ZNF292: variants seen among roughly 807,000 people sequenced by gnomAD.
ZNF292 encodes the protein 16 zinc-finger domain protein.
A neutral mutation model predicts 217.9 loss-of-function variants in ZNF292; 26 were observed. That is an observed-to-expected ratio of 0.12 (90% CI 0.09 to 0.17). The LOEUF is 0.17. Among genes scored for constraint, ZNF292 ranks in the 10% least tolerant of loss-of-function variants. The pLI, the probability that ZNF292 is intolerant of heterozygous loss-of-function variation, is 1.00. For missense variants in ZNF292, 2,904 were observed against 3,175.2 expected (o/e 0.91, Z 2.05); for synonymous variants, 1,257 against 1,124.1 (o/e 1.12, Z -2.37).
intron 1 of ZNF292, among the ~76,000 whole-genome samples, chr6:87,164,030 C>T (rs1228765663): frequency 6.6e-6 from 1 of 152,182 alleles, no homozygotes; most frequent in Admixed American, 6.5e-5. Flanking sequence ...ACCCTTGTTT[C>T]GCCCACCTCG....
chr6:87,243,508 A>G lies in ZNF292; in HGVS notation c.775A>G (p.Met259Val), dbSNP rs1195920846. 1 of 1,551,500 alleles carries G rather than the reference A, an allele frequency of 6.4e-7. No individual in the cohort carries two copies. Among genetic ancestry groups the G allele is most frequent in the Non-Finnish European group, 8.7e-7 (1 of 1,148,510 alleles). The change falls in exon 6 of 8, where the codon ATG becomes GTG. Residue 259 changes from methionine (M) to valine (V), a missense_variant. Met to Val is a conservative substitution (Grantham distance 21). Coordinates refer to ENST00000369577, the MANE Select transcript of ZNF292 (RefSeq NM_015021.3). ...AGTTGATTGCAAAGATGCACTGGAA[A>G]TGATCTGTAACTTAGAATCTGAGGG... Reference protein sequence around the residue: ...SEVDCKDALEMICNLESEGDE... With the variant: ...SEVDCKDALEVICNLESEGDE...
chr6:87,244,651 C>A lies in ZNF292; in HGVS notation c.879-852C>A, dbSNP rs144464355. ...AGTACAGAGTTCAGACAGAAAATCA[C>A]CTGGAAAGCCAGTAAATCAACTGGG... On this transcript the variant is annotated intron_variant, in intron 6 of 7. Coordinates refer to ENST00000369577, the MANE Select transcript of ZNF292 (RefSeq NM_015021.3). 3.6e-3 allele frequency among the ~76,000 whole-genome samples: 547 copies of A among 152,164 alleles called. 2 individuals carry two copies. The highest frequency in any genetic ancestry group is 0.013 in the African/African-American group (527 of 41,492).
chr6:87,213,636 A>C (rs1429417597), intron 1 of ZNF292: 2 of 152,506 alleles, frequency 1.3e-5, no homozygotes, highest in South Asian at 4.1e-4. Context: ...ACTCAGGTAA[A>C]GCAGGTGACC....
Position 87,263,559 on chromosome 6 carries a change from T to A in ZNF292, c.*1758T>A, listed in dbSNP as rs746800693. The A allele has an allele frequency of 6.6e-6, 1 of 152,146 alleles. No homozygotes were observed. The highest frequency in any genetic ancestry group is 6.5e-5 in the Admixed American group (1 of 15,280). The allele number at this position is 152,146 out of a possible 1,614,324, so 9.4% of individuals were successfully genotyped here. A position where few individuals can be genotyped will look rare whatever the true frequency, so the allele number is the denominator to read the frequency against. ...TTTATTTTTAGGGCCTTTTGGGTTTTATTGAATAGTTCATTTCACCTGTTT... is the reference window on the plus strand; with the variant it reads ...TTTATTTTTAGGGCCTTTTGGGTTTAATTGAATAGTTCATTTCACCTGTTT... On this transcript the variant is annotated 3_prime_UTR_variant, in exon 8 of 8. Transcript: ENST00000369577.
intron 5 of ZNF292, among the ~76,000 whole-genome samples, chr6:87,235,351 C>T (rs1277031823): frequency 3.9e-5 from 6 of 152,108 alleles, no homozygotes; most frequent in Non-Finnish European, 8.8e-5. Flanking sequence ...GTTCATCTGA[C>T]CTCCCTTCCC....
At chr6:87,243,684 T>C in intron 6 of ZNF292, 73 bp downstream of exon 6, 1 of 1,288,558 alleles carries the variant, frequency 7.8e-7, no homozygotes, top group Non-Finnish European at 1.0e-6. Context: ...AGAATTCATA[T>C]AACTTAGGAA....
At chr6:87,251,442 A>C (rs973426700) in intron 7 of ZNF292, among the ~76,000 whole-genome samples, 4 of 152,186 alleles carry the variant, frequency 2.6e-5, no homozygotes, top group African/African-American at 9.7e-5. Flanking sequence ...AGGCAATGGG[A>C]AGAGGGTACA....
rs1245906466 is a variant in ZNF292 at position 87,159,066 on chromosome 6, C to A, written c.168+3307C>A. Among the ~76,000 whole-genome samples, 3 of 152,320 alleles carry A rather than the reference C, an allele frequency of 2.0e-5. No homozygotes were observed. The East Asian group carries it at 5.8e-4, about 29-fold the overall frequency. The stretch of plus-strand genomic sequence containing the variant: ...TATGTAATTTTTATGAGCAAAAGTT[C>A]AGTTTCTGGAGAATGTGGTGAAACC... On this transcript the variant is annotated intron_variant, in intron 1 of 7. Coordinates refer to ENST00000369577, the MANE Select transcript of ZNF292 (RefSeq NM_015021.3).
chr6:87,222,851 C>A lies in ZNF292; in HGVS notation c.538+4120C>A, dbSNP rs757297352. ...TGGCTGTGACAGTTTTTCAGACTTT[C>A]CTTGTTTTTGATGACCTTGACAGTT... On this transcript the variant is annotated intron_variant, in intron 4 of 7. Transcript: ENST00000369577. 30 of 452,448 alleles carry A rather than the reference C, an allele frequency of 6.6e-5. 1 individual carries two copies. Among genetic ancestry groups the A allele is most frequent in the South Asian group, 4.7e-4 (30 of 64,242 alleles). 28.0% of individuals were successfully genotyped at this position (452,448 alleles called of 1,614,324 possible).
At chr6:87,159,249 A>G (rs750123702) in intron 1 of ZNF292, among the ~76,000 whole-genome samples, 1 of 152,112 alleles carries the variant, frequency 6.6e-6, no homozygotes, top group Non-Finnish European at 1.5e-5. Context: ...CATTCTGGAA[A>G]TAAGCCACCT....
Position 87,258,138 on chromosome 6 carries a change from T to G in ZNF292, c.4509T>G (p.Phe1503Leu), listed in dbSNP as rs200356626. 1.2e-6 allele frequency: 2 copies of G among 1,612,370 alleles called. No individual in the cohort carries two copies. The highest frequency in any genetic ancestry group is 3.4e-5 in the Admixed American group (2 of 59,670). ...ALETAGIPST[F>L]EGAEMLSHVS... The stretch of plus-strand genomic sequence containing the variant: ...AAACTGCTGGCATTCCCAGTACATT[T>G]GAGGGTGCCGAAATGCTTTCTCATG... The change falls in exon 8 of 8, where the codon TTT becomes TTG. Residue 1503 changes from phenylalanine (F) to leucine (L), a missense_variant. By Grantham distance (22) the Phe-to-Leu change is conservative. This residue lies in a region of ZNF292 where 622 missense variants were observed against 573.1 expected (regional missense o/e 1.09). Transcript: ENST00000369577.
intron 1 of ZNF292, among the ~76,000 whole-genome samples, chr6:87,195,752 G>A (rs577063244): frequency 6.6e-6 from 1 of 152,098 alleles, no homozygotes; most frequent in African/African-American, 2.4e-5. Flanking sequence ...ACTAGGCAGG[G>A]CGTGGTGGCT....
At position 87,259,254 on chromosome 6, in the gene ZNF292, A is replaced by G; in HGVS notation, c.5625A>G (p.Lys1875=). The change falls in exon 8 of 8, where the codon AAA becomes AAG. Residue 1875 remains lysine (K), a synonymous_variant. Transcript: ENST00000369577. ...TGACACTGACTCCCACGCCTGTTAAATCAACTGCAGATATCACAGTTATTC... is the reference window on the plus strand; with the variant it reads ...TGACACTGACTCCCACGCCTGTTAAGTCAACTGCAGATATCACAGTTATTC... ...TSVTLTPTPV[K]STADITVIQP... 6.2e-7 allele frequency: 1 copy of G among 1,613,678 alleles called. No individual in the cohort carries two copies. The highest frequency in any genetic ancestry group is 8.5e-7 in the Non-Finnish European group (1 of 1,179,704).
At chr6:87,248,707 G>A (rs1404091577) in intron 7 of ZNF292, among the ~76,000 whole-genome samples, 1 of 152,188 alleles carries the variant, frequency 6.6e-6, no homozygotes, top group Non-Finnish European at 1.5e-5. Flanking sequence ...GAAAGAACTT[G>A]GAACTAGAAG....
At chr6:87,227,825 G>C (rs1038200792) in intron 4 of ZNF292, among the ~76,000 whole-genome samples, 1 of 152,008 alleles carries the variant, frequency 6.6e-6, no homozygotes, top group Non-Finnish European at 1.5e-5. Context: ...ACCACATTTT[G>C]TTTATTTATT....
chr6:87,260,540 G>A lies in ZNF292; in HGVS notation c.6911G>A (p.Ser2304Asn), dbSNP rs775130509. 5.0e-6 allele frequency: 8 copies of A among 1,612,926 alleles called. No homozygotes were observed. In the South Asian group the frequency reaches 7.7e-5, roughly 16 times the overall value. The part of the protein sequence containing the change: ...RLTPGQENMS[S>N]KANQEKSKSK... ...ACACCAGGCCAGGAAAATATGTCAA[G>A]CAAGGCAAACCAAGAAAAATCAAAG... The change falls in exon 8 of 8, where the codon AGC (serine) becomes AAC (asparagine). Residue 2304 changes from serine (S) to asparagine (N), a missense_variant. Transcript: ENST00000369577.
chr6:87,258,971 G>C lies in ZNF292; in HGVS notation c.5342G>C (p.Gly1781Ala). Residue 1781 changes from glycine to alanine, a missense_variant, in exon 8 of 8, where the codon GGT becomes GCT. By Grantham distance (60) the Gly-to-Ala change is moderately conservative. Around this residue, in one of 15 missense-constraint regions of ZNF292, gnomAD observed 622 missense variants for 573.1 expected, o/e 1.09. Coordinates refer to ENST00000369577, the MANE Select transcript of ZNF292 (RefSeq NM_015021.3). ...LEVKSGSQGA[G>A]ETSQNAQINY... ...GTAAAAAGTGGATCTCAGGGTGCTG[G>C]TGAAACTTCACAAAATGCTCAAATA... 6.2e-7 allele frequency: 1 copy of C among 1,613,264 alleles called. No homozygotes were observed. Among genetic ancestry groups the C allele is most frequent in the Non-Finnish European group, 8.5e-7 (1 of 1,179,564 alleles).
At chr6:87,172,221 T>A in intron 1 of ZNF292, among the ~76,000 whole-genome samples, 1 of 152,216 alleles carries the variant, frequency 6.6e-6, no homozygotes, top group East Asian at 1.9e-4. Context: ...TAGAACAATT[T>A]ATGATAGCCT....
At chr6:87,203,432 T>C (rs1013652564) in intron 1 of ZNF292, among the ~76,000 whole-genome samples, 7 of 152,070 alleles carry the variant, frequency 4.6e-5, no homozygotes, top group African/African-American at 1.7e-4. Context: ...TGTGAGCCAC[T>C]GTGCTGAGCG....
Sources: allele counts gnomAD v4.1 joint callset (sites outside exome capture counted in the v4.1 genomes callset), GRCh38; gene constraint gnomAD v4.1.1; regional missense constraint gnomAD v4.1.1; transcripts MANE v1.5; gene names NCBI Gene and HGNC (gene_info 2026-07-23, HGNC 2026-07-21).